KSR2: variants seen among roughly 807,000 people sequenced by gnomAD.
KSR2 encodes kinase suppressor of ras 2.
Under a neutral mutation model 107.8 loss-of-function variants are expected in KSR2, and 25 were observed. The observed-to-expected ratio is 0.23, with a 90% confidence interval of 0.17 to 0.32. The LOEUF is 0.32. KSR2 is among the 10% of genes least tolerant of loss of function. KSR2 has a pLI of 1.00. For missense variants in KSR2, 887 were observed against 1,268.9 expected (o/e 0.70, Z 4.57); for synonymous variants, 480 against 507.0 (o/e 0.95, Z 0.71).
chr12:117,787,787 CTG>C (rs765999483), intron 3 of KSR2, among the ~76,000 whole-genome samples: 3 of 152,206 alleles, frequency 2.0e-5, no homozygotes, highest in Non-Finnish European at 2.9e-5. Context: ...ACCAGAAAGA[CTG>C]TGTGATCTCC....
At chr12:117,641,311 G>A (rs1017045883) in intron 5 of KSR2, among the ~76,000 whole-genome samples, 4 of 152,128 alleles carry the variant, frequency 2.6e-5, no homozygotes, top group South Asian at 2.1e-4. Context: ...TGGTCAGGCC[G>A]GTCTCGAATT....
At chr12:117,693,086 T>A (rs952819549) in intron 4 of KSR2, among the ~76,000 whole-genome samples, 1 of 152,166 alleles carries the variant, frequency 6.6e-6, no homozygotes, top group Admixed American at 6.5e-5. Context: ...TTTAAAAGAC[T>A]GTGTAATCCA....
intron 3 of KSR2, among the ~76,000 whole-genome samples, chr12:117,817,055 CT>C (rs144571174): frequency 0.024 from 3,667 of 152,196 alleles, 123 homozygotes; most frequent in African/African-American, 0.075. Context: ...GGCTGCATTT[CT>C]GTTTGCAATG....
chr12:117,592,379 G>T (rs1263395708), intron 5 of KSR2, among the ~76,000 whole-genome samples: 1 of 152,096 alleles, frequency 6.6e-6, no homozygotes, highest in Admixed American at 6.5e-5. Context: ...CTCCCAAAGT[G>T]CTGGGATCAC....
chr12:117,781,437 T>C (rs1249366927), intron 3 of KSR2, among the ~76,000 whole-genome samples: 2 of 151,378 alleles, frequency 1.3e-5, no homozygotes, highest in Non-Finnish European at 2.9e-5. Context: ...GCAGAGGAGG[T>C]AGAGTGCAGA....
chr12:117,935,425 A>G (rs1035901249), intron 1 of KSR2, among the ~76,000 whole-genome samples: 2 of 152,010 alleles, frequency 1.3e-5, no homozygotes, highest in Non-Finnish European at 1.5e-5. Context: ...AAACCCTCCA[A>G]TGTGTTCATT....
chr12:117,926,874 G>T (rs934649070), intron 1 of KSR2, among the ~76,000 whole-genome samples: 5 of 152,166 alleles, frequency 3.3e-5, no homozygotes, highest in Non-Finnish European at 5.9e-5. Context: ...TCCTAGTTGT[G>T]TGTCCTTAGG....
At chr12:117,955,016 CA>C (rs377637674) in intron 1 of KSR2, among the ~76,000 whole-genome samples, 38,505 of 122,142 alleles carry the variant, frequency 0.32, 4,892 homozygotes, top group African/African-American at 0.38. Context: ...GACCCTGTCT[CA>C]AAAAAAAAAA....
At chr12:117,516,879 T>C (rs1488319799) in intron 14 of KSR2, among the ~76,000 whole-genome samples, 1 of 152,230 alleles carries the variant, frequency 6.6e-6, no homozygotes, top group Non-Finnish European at 1.5e-5. Flanking sequence ...TGGCTGTTCA[T>C]AAATCCCACT....
chr12:117,501,260 CAG>C (rs1404519283), intron 14 of KSR2, among the ~76,000 whole-genome samples: 1 of 152,158 alleles, frequency 6.6e-6, no homozygotes, highest in Non-Finnish European at 1.5e-5. Context: ...GTTAAAATAG[CAG>C]AGTTAAGGAG....
chr12:117,553,841 C>T (rs1400617120), intron 9 of KSR2, among the ~76,000 whole-genome samples: 1 of 150,658 alleles, frequency 6.6e-6, no homozygotes, highest in South Asian at 2.1e-4. Context: ...CCTTCCCTCC[C>T]CTCTCCTCTC....
rs147271951 is a variant in KSR2 at position 117,843,841 on chromosome 12, G to A, written c.472+11587C>T. On this transcript the variant is annotated intron_variant, in intron 3 of 19. Transcript: ENST00000339824. The stretch of plus-strand genomic sequence containing the variant: ...TCATGGTCCCTTCCAACAGCTGGAC[G>A]TATTGGCTGCCAGATGTCCCTGAAA... Among the ~76,000 whole-genome samples the A allele has an allele frequency of 2.2e-4, 34 of 151,774 alleles. No homozygotes were observed. The East Asian group carries it at 6.2e-3, about 28-fold the overall frequency.
Position 117,761,460 on chromosome 12 carries a change from G to C in KSR2, c.537C>G (p.Asn179Lys), listed in dbSNP as rs1391413100. The C allele has an allele frequency of 6.2e-7, 1 of 1,613,196 alleles. No homozygotes were observed. The highest frequency in any genetic ancestry group is 8.5e-7 in the Non-Finnish European group (1 of 1,179,672). The change falls in exon 4 of 20, where the codon AAC becomes AAG. Residue 179 changes from asparagine to lysine, a missense_variant. Transcript: ENST00000339824. The stretch of plus-strand genomic sequence containing the variant: ...TGGGCTCCGGGGGGCACACGGGATT[G>C]TTCTCCTTCCCCGTCTCTGTCGTGG... ...QWPTTETGKENNPVCPPEPTP... is the reference protein window; with the variant it reads ...QWPTTETGKEKNPVCPPEPTP...
intron 9 of KSR2, among the ~76,000 whole-genome samples, chr12:117,542,958 C>G (rs1876612490): frequency 6.6e-6 from 1 of 152,138 alleles, no homozygotes; most frequent in Non-Finnish European, 1.5e-5. Context: ...CGAGTTTCTT[C>G]CTTTTGACTG....
intron 3 of KSR2, among the ~76,000 whole-genome samples, chr12:117,827,480 T>C (rs2137101075): frequency 6.6e-6 from 1 of 152,332 alleles, no homozygotes; most frequent in East Asian, 1.9e-4. Context: ...ACTCTAAGCT[T>C]CAGTTTTCTT....
chr12:117,826,864 C>A (rs143670483), intron 3 of KSR2, among the ~76,000 whole-genome samples: 4 of 151,982 alleles, frequency 2.6e-5, no homozygotes, highest in Middle Eastern at 3.4e-3. Context: ...GTGGGCAGAT[C>A]GCTTTGAGCT....
At position 117,477,151 on chromosome 12, in the gene KSR2, T is replaced by C. The variant is rs182803914; in HGVS notation, c.2451-556A>G. On this transcript the variant is annotated intron_variant, in intron 16 of 19. Coordinates refer to ENST00000339824, the MANE Select transcript of KSR2 (RefSeq NM_173598.6). ...CTGGCCCCAGAGCTAGAGCTTCTTA[T>C]GCTACTCTGCACTGCCCACTCTGTC... Among the ~76,000 whole-genome samples, 196 of 152,302 alleles carry C rather than the reference T, an allele frequency of 1.3e-3. 1 individual carries two copies. Among genetic ancestry groups the C allele is most frequent in the Non-Finnish European group, 9.7e-4 (66 of 68,028 alleles).
At chr12:117,934,889 G>A (rs567726120) in intron 1 of KSR2, among the ~76,000 whole-genome samples, 2 of 152,070 alleles carry the variant, frequency 1.3e-5, no homozygotes, top group African/African-American at 2.4e-5. Context: ...GCAGTGGTAC[G>A]AGCATGGCTC....
chr12:117,804,824 T>C (rs750595965), intron 3 of KSR2, among the ~76,000 whole-genome samples: 1 of 152,164 alleles, frequency 6.6e-6, no homozygotes, highest in East Asian at 1.9e-4. Flanking sequence ...TGTAAGCTGC[T>C]CTCCCTCTCA....
Sources: gnomAD v4.1 joint callset for allele counts (sites outside exome capture counted in the v4.1 genomes callset) on GRCh38, gnomAD v4.1.1 for gene constraint, MANE v1.5 for transcripts, NCBI Gene and HGNC (gene_info 2026-07-23, HGNC 2026-07-21) for gene names.